Variants in ZBTB20 observed in about 807,000 individuals in gnomAD.
The protein encoded by ZBTB20 is zinc finger and BTB domain containing 20.
In ZBTB20, 9 loss-of-function variants were observed where a neutral mutation model predicts 56.9. The ratio of observed to expected loss-of-function variants is 0.16; its 90% CI spans 0.10 to 0.28. The LOEUF (loss-of-function observed/expected upper bound fraction) is 0.28. ZBTB20 is among the 10% of genes least tolerant of loss of function. The probability of loss-of-function intolerance (pLI) is 1.00; values close to 1 mark genes in which losing one functional copy is unlikely to be tolerated. For missense variants in ZBTB20, 655 were observed against 1,003.0 expected (o/e 0.65, Z 4.69); for synonymous variants, 417 against 420.7 (o/e 0.99, Z 0.11).
Position 114,420,487 on chromosome 3 carries a change from G to A in ZBTB20, c.-254-31382C>T, listed in dbSNP as rs149438396. On this transcript the variant is annotated intron_variant, in intron 7 of 11. Coordinates refer to ENST00000675478, the MANE Select transcript of ZBTB20 (RefSeq NM_001348800.3). ...GAACGAATAAAAAGGTGTCTTGCCCGCCTGTGCACATACAGGAAGGAAAGG... is the reference window on the plus strand; with the variant it reads ...GAACGAATAAAAAGGTGTCTTGCCCACCTGTGCACATACAGGAAGGAAAGG... Among the ~76,000 whole-genome samples the A allele has an allele frequency of 4.1e-3, 626 of 152,244 alleles. 20 individuals are homozygous for A. Among genetic ancestry groups the A allele is most frequent in the Admixed American group, 0.027 (405 of 15,276 alleles).
chr3:114,838,078 A>G (rs933447341), intron 4 of ZBTB20, among the ~76,000 whole-genome samples: 1 of 152,150 alleles, frequency 6.6e-6, no homozygotes, highest in Non-Finnish European at 1.5e-5. Flanking sequence ...GTACAGCCTC[A>G]GTTTCTTCAT....
Position 114,820,346 on chromosome 3 carries a change from C to T in ZBTB20, c.-416-19172G>A, listed in dbSNP as rs546683540. On this transcript the variant is annotated intron_variant, in intron 4 of 11. Transcript: ENST00000675478. Reference sequence around the variant, plus strand: ...AATGCTAAGTGAAGAGATCACTATACAGACTATACAATCCAAAATGTTGTT... The same window carrying T: ...AATGCTAAGTGAAGAGATCACTATATAGACTATACAATCCAAAATGTTGTT... Among the ~76,000 whole-genome samples, 105 of 151,884 alleles carry T rather than the reference C, an allele frequency of 6.9e-4. 1 individual carries two copies. The highest frequency in any genetic ancestry group is 2.4e-3 in the African/African-American group (101 of 41,392).
chr3:115,001,127 A>C (rs1190056910), intron 2 of ZBTB20, among the ~76,000 whole-genome samples: 2 of 151,304 alleles, frequency 1.3e-5, no homozygotes, highest in African/African-American at 2.4e-5. Flanking sequence ...AGTTAAAAAA[A>C]GGAGCCTATA....
At chr3:115,034,694 T>C (rs2080842790) in intron 2 of ZBTB20, among the ~76,000 whole-genome samples, 2 of 152,014 alleles carry the variant, frequency 1.3e-5, no homozygotes, top group East Asian at 3.9e-4. Context: ...AAATCCAAAT[T>C]ATGTTTTCAC....
At chr3:114,922,403 T>C (rs148113235) in intron 3 of ZBTB20, among the ~76,000 whole-genome samples, 5 of 152,196 alleles carry the variant, frequency 3.3e-5, no homozygotes, top group Admixed American at 3.3e-4. Flanking sequence ...TAATCTTATA[T>C]GTAGAAAAAC....
At chr3:114,644,434 T>A (rs1379702650) in intron 6 of ZBTB20, among the ~76,000 whole-genome samples, 3 of 152,128 alleles carry the variant, frequency 2.0e-5, no homozygotes, top group Non-Finnish European at 4.4e-5. Flanking sequence ...TTCATTTATA[T>A]CATTGCCATC....
chr3:114,783,658 T>A (rs1050016560), intron 5 of ZBTB20, among the ~76,000 whole-genome samples: 2 of 151,916 alleles, frequency 1.3e-5, no homozygotes, highest in African/African-American at 4.8e-5. Context: ...GCTGGGCTGG[T>A]GACACGTGCC....
In ZBTB20 at chr3:114,883,976, A is replaced by C. The variant is rs1232810005; in HGVS notation, c.-417+16328T>G. On this transcript the variant is annotated intron_variant, in intron 4 of 11. Coordinates refer to ENST00000675478, the MANE Select transcript of ZBTB20 (RefSeq NM_001348800.3). The stretch of plus-strand genomic sequence containing the variant: ...AGTCTCGCTCTGTCGCCCAGGCTGG[A>C]GTGCAGTGGCAGGATCTCGGCTCAC... Among the ~76,000 whole-genome samples, 2 of 97,696 alleles carry C rather than the reference A, an allele frequency of 2.0e-5. 1 individual carries two copies. The highest frequency in any genetic ancestry group is 3.2e-4 in the Admixed American group (2 of 6,218). The allele number at this position is 97,696 out of a possible 152,430, so 64.1% of individuals were successfully genotyped here.
chr3:114,324,877 A>G lies in ZBTB20; in HGVS notation c.*14128T>C, dbSNP rs1466326426. 6.6e-6 allele frequency: 1 copy of G among 152,148 alleles called. No individual in the cohort carries two copies. Among genetic ancestry groups the G allele is most frequent in the Non-Finnish European group, 1.5e-5 (1 of 68,026 alleles). The allele number at this position is 152,148 out of a possible 1,614,324, so 9.4% of individuals were successfully genotyped here. On this transcript the variant is annotated 3_prime_UTR_variant, in exon 12 of 12. Coordinates refer to ENST00000675478, the MANE Select transcript of ZBTB20 (RefSeq NM_001348800.3). ...TCTGGGTCTTCACCCTCCAAAGGTAAGTCTGCTTGTCTGCTCATACCCACA... is the reference window on the plus strand; with the variant it reads ...TCTGGGTCTTCACCCTCCAAAGGTAGGTCTGCTTGTCTGCTCATACCCACA...
At chr3:114,809,786 T>C (rs995734053) in intron 4 of ZBTB20, among the ~76,000 whole-genome samples, 9 of 152,122 alleles carry the variant, frequency 5.9e-5, no homozygotes, top group African/African-American at 1.9e-4. Context: ...TTCTTGAAAA[T>C]TGACATTTTA....
At chr3:115,089,987 A>G (rs112378932) in intron 1 of ZBTB20, among the ~76,000 whole-genome samples, 8 of 151,940 alleles carry the variant, frequency 5.3e-5, no homozygotes, top group African/African-American at 1.9e-4. Context: ...TATTTTAACA[A>G]TATACCCTAG....
intron 6 of ZBTB20, among the ~76,000 whole-genome samples, chr3:114,595,082 T>C (rs186413652): frequency 2.6e-4 from 40 of 152,304 alleles, no homozygotes; most frequent in Admixed American, 5.2e-4. Flanking sequence ...AACTTTGGGG[T>C]CAGCCCTTAT....
intron 1 of ZBTB20, among the ~76,000 whole-genome samples, chr3:115,145,399 C>T (rs1434081938): frequency 6.6e-6 from 1 of 152,182 alleles, no homozygotes; most frequent in Admixed American, 6.5e-5. Context: ...CCAAAATCCA[C>T]AGATGCTCAA....
intron 11 of ZBTB20, among the ~76,000 whole-genome samples, chr3:114,348,781 G>A (rs905368161): frequency 6.6e-6 from 1 of 152,172 alleles, no homozygotes; most frequent in African/African-American, 2.4e-5. Flanking sequence ...ACTGTTTTAT[G>A]TCTTCTCTCT....
chr3:114,814,267 T>C (rs1452543402), intron 4 of ZBTB20, among the ~76,000 whole-genome samples: 1 of 149,242 alleles, frequency 6.7e-6, no homozygotes, highest in Non-Finnish European at 1.5e-5. Context: ...TACTGTCATT[T>C]ATATTTATAT....
rs147395840 is a variant in ZBTB20, at chr3:114,346,966, G to A, written c.1804+3308C>T. Among the ~76,000 whole-genome samples the A allele has an allele frequency of 7.9e-5, 12 of 151,700 alleles. No individual in the cohort carries two copies. The East Asian group carries it at 1.4e-3, about 17-fold the overall frequency. ...CTCCCAAAGTCCTGGGATTACAGGC[G>A]TGAGCCACCATGCCTGGCCCCAAAC... On this transcript the variant is annotated intron_variant, in intron 11 of 11. Transcript: ENST00000675478.
At chr3:114,664,376 T>C (rs1319185453) in intron 6 of ZBTB20, among the ~76,000 whole-genome samples, 2 of 152,068 alleles carry the variant, frequency 1.3e-5, no homozygotes, top group Non-Finnish European at 2.9e-5. Context: ...AGCCTGTAAA[T>C]ATAACTGGCT....
intron 7 of ZBTB20, among the ~76,000 whole-genome samples, chr3:114,456,408 C>T (rs1470728724): frequency 6.6e-6 from 1 of 152,108 alleles, no homozygotes; most frequent in Non-Finnish European, 1.5e-5. Context: ...TTACAATTCG[C>T]TCTATGAACA....
At chr3:114,534,757 A>C (rs1195925321) in intron 6 of ZBTB20, among the ~76,000 whole-genome samples, 1 of 152,204 alleles carries the variant, frequency 6.6e-6, no homozygotes, top group Non-Finnish European at 1.5e-5. Context: ...ACTCCTCAGC[A>C]AATGTAAAAG....
Sources: gnomAD v4.1 joint callset for allele counts (sites outside exome capture counted in the v4.1 genomes callset) on GRCh38, gnomAD v4.1.1 for gene constraint, MANE v1.5 for transcripts, NCBI Gene and HGNC (gene_info 2026-07-23, HGNC 2026-07-21) for gene names.